GADL1: variants seen among roughly 807,000 people sequenced by gnomAD.
GADL1 encodes the protein acidic amino acid decarboxylase GADL1.
In GADL1, 71 loss-of-function variants were observed where a neutral mutation model predicts 69.5. The observed-to-expected ratio is 1.02, with a 90% confidence interval of 0.84 to 1.25. The LOEUF (loss-of-function observed/expected upper bound fraction) is 1.25. Ranked by LOEUF, GADL1 falls within the 50% of genes most tolerant of loss-of-function variation. GADL1 has a pLI of 0.00. For missense variants in GADL1, 737 were observed against 631.8 expected (o/e 1.17, Z -1.79); for synonymous variants, 254 against 214.4 (o/e 1.18, Z -1.62).
Position 30,801,100 on chromosome 3 carries a change from A to G in GADL1, c.1051-12T>C. 1 of 1,572,782 alleles carries G rather than the reference A, an allele frequency of 6.4e-7. No individual in the cohort carries two copies. The highest frequency in any genetic ancestry group is 8.7e-7 in the Non-Finnish European group (1 of 1,150,546). On this transcript the variant is annotated splice_polypyrimidine_tract_variant and intron_variant, in intron 11 of 14. Coordinates refer to ENST00000282538, the MANE Select transcript of GADL1 (RefSeq NM_207359.3). ...TTTTTAAGAAGATCCTTCGAAAAAG[A>G]AAAGATTACAAGACTGTTAAACTTT...
chr3:30,837,375 G>C (rs7626348), intron 9 of GADL1, among the ~76,000 whole-genome samples: 36,735 of 151,904 alleles, frequency 0.24, 5,233 homozygotes, highest in African/African-American at 0.4. Context: ...AGCCAGATAG[G>C]CTTGTGTCAA....
rs17026443 is a variant in GADL1, at chr3:30,731,150, A to C, written c.1393-2735T>G. Reference sequence around the variant, plus strand: ...AAATGTCTAGCTAGAAGGGCCACAGACTATCAGTTTTAGAGCTTACAGCTT... The same window carrying C: ...AAATGTCTAGCTAGAAGGGCCACAGCCTATCAGTTTTAGAGCTTACAGCTT... On this transcript the variant is annotated intron_variant, in intron 14 of 14. Coordinates refer to ENST00000282538, the MANE Select transcript of GADL1 (RefSeq NM_207359.3). Among the ~76,000 whole-genome samples, 6 of 152,260 alleles carry C rather than the reference A, an allele frequency of 3.9e-5. No individual in the cohort carries two copies. The East Asian group carries it at 9.7e-4, about 25-fold the overall frequency.
intron 14 of GADL1, among the ~76,000 whole-genome samples, chr3:30,749,854 T>C (rs1335195403): frequency 6.6e-6 from 1 of 152,134 alleles, no homozygotes; most frequent in Non-Finnish European, 1.5e-5. Flanking sequence ...AAAACAACTA[T>C]GATATAAAAT....
At chr3:30,841,547 G>A (rs987738654) in intron 8 of GADL1, among the ~76,000 whole-genome samples, 1 of 152,230 alleles carries the variant, frequency 6.6e-6, no homozygotes, top group African/African-American at 2.4e-5. Context: ...TGATAAATAA[G>A]GGGAAAGAAT....
At chr3:30,855,828 A>G (rs1299781673) in intron 3 of GADL1, among the ~76,000 whole-genome samples, 4 of 149,140 alleles carry the variant, frequency 2.7e-5, no homozygotes, top group Non-Finnish European at 5.9e-5. Context: ...GTTTTAGTTT[A>G]TTTTAGTTTT....
rs182300429 is a variant in GADL1, at chr3:30,766,585, A to G, written c.1392+11594T>C. Among the ~76,000 whole-genome samples, 10 of 152,194 alleles carry G rather than the reference A, an allele frequency of 6.6e-5. No individual in the cohort carries two copies. The East Asian group carries it at 1.9e-3, about 29-fold the overall frequency. On this transcript the variant is annotated intron_variant, in intron 14 of 14. Coordinates refer to ENST00000282538, the MANE Select transcript of GADL1 (RefSeq NM_207359.3). ...TTTTTCTCTTAATGAGGAAACAGGT[A>G]TGGAGTGGTAATGTACTGTACCAAA...
intron 14 of GADL1, among the ~76,000 whole-genome samples, chr3:30,762,428 CAACA>C (rs1696159711): frequency 6.6e-6 from 1 of 152,116 alleles, no homozygotes; most frequent in Admixed American, 6.6e-5. Context: ...TCATGTACTT[CAACA>C]AACAACTTCA....
intron 1 of GADL1, among the ~76,000 whole-genome samples, chr3:30,863,320 A>AT (rs1698349355): frequency 6.6e-6 from 1 of 152,156 alleles, no homozygotes; most frequent in African/African-American, 2.4e-5. Flanking sequence ...TTAAGCCTGT[A>AT]TTAAATGCCT....
chr3:30,813,524 CT>C (rs1697401295), intron 11 of GADL1, among the ~76,000 whole-genome samples: 1 of 152,202 alleles, frequency 6.6e-6, no homozygotes, highest in Non-Finnish European at 1.5e-5. Context: ...TATTGTGATG[CT>C]GTCAACAAAG....
Position 30,850,111 on chromosome 3 carries a change from C to T in GADL1, c.536G>A (p.Gly179Asp). The T allele has an allele frequency of 6.6e-7, 1 of 1,519,854 alleles. No individual in the cohort carries two copies. The highest frequency in any genetic ancestry group is 9.1e-7 in the Non-Finnish European group (1 of 1,095,728). 94.1% of individuals were successfully genotyped at this position (1,519,854 alleles called of 1,614,324 possible). Residue 179 changes from glycine (G) to aspartate (D), a missense_variant and splice_region_variant, in exon 6 of 15, where the codon GGT becomes GAT. By Grantham distance (94) the Gly-to-Asp change is moderately conservative. Coordinates refer to ENST00000282538, the MANE Select transcript of GADL1 (RefSeq NM_207359.3). Reference protein sequence around the residue: ...WKEGDGIFNPGGSVSNMYAMN... With the variant: ...WKEGDGIFNPDGSVSNMYAMN... ...TGCATACATATTGGACACTGAGCCA[C>T]CTGCAAAAACAAAATTAAAATGGCA...
At chr3:30,761,265 GGAA>G (rs1273813884) in intron 14 of GADL1, among the ~76,000 whole-genome samples, 10 of 123,008 alleles carry the variant, frequency 8.1e-5, no homozygotes, top group Non-Finnish European at 1.6e-4. Context: ...GAGTCTCCAG[GGAA>G]GAAGACAGCT....
intron 1 of GADL1, among the ~76,000 whole-genome samples, chr3:30,888,274 G>C (rs576741827): frequency 7.9e-5 from 12 of 152,294 alleles, no homozygotes; most frequent in African/African-American, 2.9e-4. Flanking sequence ...GCACATAGAA[G>C]AGCCTTCTTA....
intron 4 of GADL1, among the ~76,000 whole-genome samples, chr3:30,851,655 G>C (rs1312051304): frequency 7.2e-6 from 1 of 139,040 alleles, no homozygotes; most frequent in African/African-American, 3.1e-5. Context: ...CCTGATAACT[G>C]CTGGAGATGT....
chr3:30,863,858 T>C (rs1164405442), intron 1 of GADL1, among the ~76,000 whole-genome samples: 1 of 152,032 alleles, frequency 6.6e-6, no homozygotes, highest in Non-Finnish European at 1.5e-5. Context: ...ACAAACACTT[T>C]AATTCTGTTA....
chr3:30,767,756 G>GT (rs1215816371), intron 14 of GADL1, among the ~76,000 whole-genome samples: 1 of 152,074 alleles, frequency 6.6e-6, no homozygotes, highest in African/African-American at 2.4e-5. Flanking sequence ...AAAACTTGCT[G>GT]TTTTTTCATC....
At chr3:30,762,252 G>T (rs1649249637) in intron 14 of GADL1, among the ~76,000 whole-genome samples, 1 of 152,110 alleles carries the variant, frequency 6.6e-6, no homozygotes, top group South Asian at 2.1e-4. Flanking sequence ...ATGTTGAGAA[G>T]GTTCATGGCA....
intron 11 of GADL1, among the ~76,000 whole-genome samples, chr3:30,803,609 TAGC>T (rs1367157906): frequency 6.6e-6 from 1 of 152,116 alleles, no homozygotes. Context: ...AGAAAGCAAA[TAGC>T]AGAATAAACA....
intron 14 of GADL1, among the ~76,000 whole-genome samples, chr3:30,759,540 GAC>G (rs1696069949): frequency 6.6e-6 from 1 of 152,194 alleles, no homozygotes; most frequent in African/African-American, 2.4e-5. Flanking sequence ...ATTGAACTGA[GAC>G]ACGTTCCCAC....
chr3:30,807,636 G>A (rs1047276736), intron 11 of GADL1, among the ~76,000 whole-genome samples: 2 of 152,212 alleles, frequency 1.3e-5, no homozygotes, highest in African/African-American at 4.8e-5. Context: ...ATGGCCAGGT[G>A]TAACTTGAGT....
Sources: gnomAD v4.1 joint callset for allele counts (sites outside exome capture counted in the v4.1 genomes callset) on GRCh38, gnomAD v4.1.1 for gene constraint, MANE v1.5 for transcripts, NCBI Gene and HGNC (gene_info 2026-07-23, HGNC 2026-07-21) for gene names.